CSNK1G3: variants seen among roughly 807,000 people sequenced by gnomAD.
The protein encoded by CSNK1G3 is casein kinase 1 gamma 3, also known as casein kinase I isoform gamma-3.
CSNK1G3 carries 23 observed loss-of-function variants against 64.3 expected under a neutral mutation model. That is an observed-to-expected ratio of 0.36 (90% confidence interval 0.26 to 0.51). The LOEUF is 0.51. CSNK1G3 is among the 20% of genes least tolerant of loss of function. The pLI is 0.96. For missense variants in CSNK1G3, 357 were observed against 510.5 expected, an observed-to-expected ratio of 0.70 and a Z score of 2.90; for synonymous variants, 158 against 162.2, an observed-to-expected ratio of 0.97 and a Z score of 0.20.
exon 1 of CSNK1G3, chr5:123,512,355 A>C (rs892839990): frequency 9.8e-5 from 15 of 152,762 alleles, no homozygotes; most frequent in African/African-American, 3.6e-4. Context: ...GCGGCAGTGC[A>C]GGGACCGAAT....
chr5:123,582,384 T>C lies in CSNK1G3; in HGVS notation c.674-5684T>C, dbSNP rs186554896. Among the ~76,000 whole-genome samples the C allele has an allele frequency of 1.4e-4, 22 of 152,282 alleles. No individual in the cohort carries two copies. In the East Asian group the frequency reaches 2.7e-3, roughly 19 times the overall value. ...TTTTGAAGTAGTCACTTAATCTTTCTGAGCTTTACTTTCCTTATTTGGGAT... is the reference window on the plus strand; with the variant it reads ...TTTTGAAGTAGTCACTTAATCTTTCCGAGCTTTACTTTCCTTATTTGGGAT... On this transcript the variant is annotated intron_variant, in intron 6 of 12. Transcript: ENST00000345990.
intron 1 of CSNK1G3, among the ~76,000 whole-genome samples, chr5:123,522,462 C>G (rs1201351169): frequency 6.7e-6 from 1 of 148,754 alleles, no homozygotes; most frequent in Non-Finnish European, 1.5e-5. Context: ...GAGATGACAC[C>G]ATTGCACTCC....
chr5:123,546,279 A>G (rs1205068202), intron 2 of CSNK1G3, among the ~76,000 whole-genome samples: 1 of 152,128 alleles, frequency 6.6e-6, no homozygotes, highest in Non-Finnish European at 1.5e-5. Flanking sequence ...CATCATTGTA[A>G]TTTAATTTTT....
At chr5:123,588,739 A>G (rs2150953261) in intron 8 of CSNK1G3, among the ~76,000 whole-genome samples, 1 of 152,266 alleles carries the variant, frequency 6.6e-6, no homozygotes, top group Non-Finnish European at 1.5e-5. Flanking sequence ...GTTGATCATT[A>G]CCAGCTGAAG....
chr5:123,581,701 T>C (rs908814614), intron 6 of CSNK1G3, among the ~76,000 whole-genome samples: 1 of 142,360 alleles, frequency 7.0e-6, no homozygotes, highest in Non-Finnish European at 1.6e-5. Context: ...GTTTGTTTTC[T>C]CTTTTTTTAA....
At chr5:123,516,575 C>T (rs1190371355) in intron 1 of CSNK1G3, among the ~76,000 whole-genome samples, 2 of 152,078 alleles carry the variant, frequency 1.3e-5, no homozygotes, top group Non-Finnish European at 2.9e-5. Context: ...CCTGCCACTT[C>T]GTGCTTATCA....
intron 1 of CSNK1G3, among the ~76,000 whole-genome samples, chr5:123,539,344 C>T (rs1781322314): frequency 6.7e-6 from 1 of 150,194 alleles, no homozygotes; most frequent in African/African-American, 2.5e-5. Context: ...ACTCGGGAGG[C>T]TGGGGTGGGA....
intron 4 of CSNK1G3, among the ~76,000 whole-genome samples, chr5:123,562,764 A>G (rs1786024046): frequency 6.6e-6 from 1 of 152,014 alleles, no homozygotes; most frequent in African/African-American, 2.4e-5. Context: ...GAATTTTTTA[A>G]TTAATGGAAG....
chr5:123,527,420 T>C (rs1382531416), intron 1 of CSNK1G3, among the ~76,000 whole-genome samples: 1 of 152,198 alleles, frequency 6.6e-6, no homozygotes. Context: ...TCCAGAGCAG[T>C]AGTAGTACTT....
At chr5:123,612,858 C>T (rs1030203366) in intron 12 of CSNK1G3, among the ~76,000 whole-genome samples, 1 of 152,082 alleles carries the variant, frequency 6.6e-6, no homozygotes, top group East Asian at 1.9e-4. Flanking sequence ...TCTGAATTGG[C>T]AGCTCTCGAT....
At chr5:123,605,113 A>C (rs1581422855) in intron 11 of CSNK1G3, among the ~76,000 whole-genome samples, 1 of 152,236 alleles carries the variant, frequency 6.6e-6, no homozygotes, top group Middle Eastern at 3.4e-3. Flanking sequence ...TGATGCATGA[A>C]AGTTATTGAT....
chr5:123,591,299 CA>C lies in CSNK1G3; in HGVS notation c.991-18del, dbSNP rs772073934. On this transcript the variant is annotated intron_variant, in intron 9 of 12. Transcript: ENST00000345990. The stretch of plus-strand genomic sequence containing the variant: ...ATTTTAAAATGGAATGTATTGATAC[CA>C]ATTGTTATTGTATTGTAGCCTACTC... 6.8e-7 allele frequency: 1 copy of C among 1,468,802 alleles called. No homozygotes were observed. The highest frequency in any genetic ancestry group is 1.4e-5 in the African/African-American group (1 of 69,638). 91.0% of individuals were successfully genotyped at this position (1,468,802 alleles called of 1,614,324 possible). A position where few individuals can be genotyped will look rare whatever the true frequency, so the allele number is the denominator to read the frequency against.
intron 6 of CSNK1G3, among the ~76,000 whole-genome samples, chr5:123,584,413 C>T (rs1241594074): frequency 6.6e-6 from 1 of 152,108 alleles, no homozygotes; most frequent in Non-Finnish European, 1.5e-5. Context: ...TCTGAGATGA[C>T]AATATGATTT....
intron 1 of CSNK1G3, among the ~76,000 whole-genome samples, chr5:123,517,016 A>G (rs1287267561): frequency 2.0e-5 from 3 of 152,198 alleles, no homozygotes. Flanking sequence ...ATGAAGTGCC[A>G]AGGACTATGT....
At chr5:123,574,339 T>C (rs1466715196) in intron 5 of CSNK1G3, among the ~76,000 whole-genome samples, 15 of 152,206 alleles carry the variant, frequency 9.9e-5, no homozygotes, top group Non-Finnish European at 4.4e-5. Flanking sequence ...AAATTGTTTT[T>C]ATTCATTGAC....
At chr5:123,534,238 T>C (rs1490045800) in intron 1 of CSNK1G3, among the ~76,000 whole-genome samples, 2 of 152,212 alleles carry the variant, frequency 1.3e-5, no homozygotes, top group Middle Eastern at 3.4e-3. Context: ...TTCTATTTTA[T>C]AATTATTAAA....
chr5:123,581,558 T>A (rs1008065461), intron 6 of CSNK1G3, among the ~76,000 whole-genome samples: 1 of 151,822 alleles, frequency 6.6e-6, no homozygotes, highest in Admixed American at 6.6e-5. Flanking sequence ...ATTAAGTGAA[T>A]GCATGTACTG....
At chr5:123,610,889 A>G (rs1471364569) in intron 12 of CSNK1G3, among the ~76,000 whole-genome samples, 2 of 152,174 alleles carry the variant, frequency 1.3e-5, no homozygotes, top group East Asian at 1.9e-4. Flanking sequence ...TGGGAGGACC[A>G]CTATTAAATA....
intron 5 of CSNK1G3, among the ~76,000 whole-genome samples, chr5:123,574,139 G>A (rs978979352): frequency 4.6e-5 from 7 of 152,100 alleles, no homozygotes; most frequent in Non-Finnish European, 1.0e-4. Context: ...GTGAGCCACC[G>A]TGCCGGGCCA....
Sources: allele counts gnomAD v4.1 joint callset (sites outside exome capture counted in the v4.1 genomes callset), GRCh38; gene constraint gnomAD v4.1.1; transcripts MANE v1.5; gene names NCBI Gene and HGNC (gene_info 2026-07-23, HGNC 2026-07-21).